The following SP2 variants were observed in gnomAD, a reference collection of about 807,000 sequenced individuals.
SP2 encodes Sp2 transcription factor.
A neutral mutation model predicts 50.1 loss-of-function variants in SP2; 9 were observed. The observed-to-expected ratio is 0.18, with a 90% CI of 0.11 to 0.31. The LOEUF (loss-of-function observed/expected upper bound fraction) is 0.31. Among genes scored for constraint, SP2 ranks in the 10% least tolerant of loss-of-function variants. The probability of loss-of-function intolerance (pLI) is 1.00; values close to 1 mark genes in which losing one functional copy is unlikely to be tolerated. For synonymous variants in SP2, 313 were observed against 326.6 expected, an observed-to-expected ratio of 0.96 and a Z score of 0.45; for missense variants, 581 against 806.5, an observed-to-expected ratio of 0.72 and a Z score of 3.39.
chr17:47,929,281 T>G (rs112730241), downstream of SP2, among the ~76,000 whole-genome samples: 39 of 152,308 alleles, frequency 2.6e-4, 1 homozygote, highest in African/African-American at 8.2e-4. Flanking sequence ...GCCAGCAACT[T>G]AGCTCTTCCA....
At chr17:47,900,830 C>T (rs977060306) in intron 1 of SP2, among the ~76,000 whole-genome samples, 17 of 152,134 alleles carry the variant, frequency 1.1e-4, no homozygotes, top group African/African-American at 3.6e-4. Context: ...GAGTGACTCA[C>T]AAATAAATGT....
chr17:47,922,616 C>T (rs2035503610), intron 3 of SP2, among the ~76,000 whole-genome samples: 1 of 151,732 alleles, frequency 6.6e-6, no homozygotes, highest in Non-Finnish European at 1.5e-5. Flanking sequence ...TTCCTGGGCT[C>T]TAAAATGTGG....
At chr17:47,922,881 C>A in intron 3 of SP2, 81 bp from the exon 4 acceptor site, 1 of 1,270,290 alleles carries the variant, frequency 7.9e-7, no homozygotes, top group Non-Finnish European at 1.1e-6. Context: ...GCCCCCAGTT[C>A]TCACTTGGGC....
downstream of SP2, among the ~76,000 whole-genome samples, chr17:47,930,500 A>G (rs1254117833): frequency 6.6e-6 from 1 of 152,164 alleles, no homozygotes; most frequent in Non-Finnish European, 1.5e-5. Context: ...TGGGGGTTCA[A>G]AAGTTATGTC....
intron 1 of SP2, among the ~76,000 whole-genome samples, chr17:47,904,881 C>A (rs776186781): frequency 6.6e-6 from 1 of 152,276 alleles, no homozygotes; most frequent in African/African-American, 2.4e-5. Context: ...GCAATCCTCT[C>A]GCCTTGGCCT....
At chr17:47,896,398 G>C in intron 1 of SP2, 105 bp downstream of exon 1, 1 of 976,990 alleles carries the variant, frequency 1.0e-6, no homozygotes, top group South Asian at 5.2e-5. Context: ...TCCCCCCTGG[G>C]GCTGGGTCTG....
rs564478717 is a variant in SP2, at chr17:47,907,126, A to G, written c.8-8186A>G. Among the ~76,000 whole-genome samples the G allele has an allele frequency of 2.5e-4, 38 of 152,172 alleles. No individual in the cohort carries two copies. The South Asian group carries it at 4.1e-3, about 17-fold the overall frequency. On this transcript the variant is annotated intron_variant, in intron 1 of 6. Transcript: ENST00000376741. ...ACCTGGGCAGGTGCAGCATGAGCGC[A>G]GTGCCAGGGTGGATGTCCTAATGCT...
Position 47,917,081 on chromosome 17 carries a change from A to G in SP2, c.1010A>G (p.Lys337Arg). ...GCCACCCTCCCCACTGTACCCCAGA[A>G]GCCCTCCCAGAACTTTCAGATCCAG... ...ASATLPTVPQ[K>R]PSQNFQIQAA... Residue 337 changes from lysine (K) to arginine (R), a missense_variant, in exon 3 of 7, where the codon AAG becomes AGG. Transcript: ENST00000376741. 1.2e-6 allele frequency: 2 copies of G among 1,613,414 alleles called. No individual in the cohort carries two copies. Among genetic ancestry groups the G allele is most frequent in the Admixed American group, 1.7e-5 (1 of 60,008 alleles).
chr17:47,896,364 G>A (rs2034329108), intron 1 of SP2, 71 bp downstream of exon 1: 1 of 1,201,194 alleles, frequency 8.3e-7, no homozygotes, highest in Non-Finnish European at 1.0e-6. Flanking sequence ...GAGGCCGCGG[G>A]GAGAGGGAGC....
At chr17:47,924,341 G>T (rs2035570340) in intron 4 of SP2, among the ~76,000 whole-genome samples, 1 of 139,834 alleles carries the variant, frequency 7.2e-6, no homozygotes, top group African/African-American at 2.6e-5. Flanking sequence ...CTCCCTATAT[G>T]CCCAGGCTGG....
intron 3 of SP2, among the ~76,000 whole-genome samples, chr17:47,919,663 C>A (rs527916049): frequency 6.6e-6 from 1 of 152,058 alleles, no homozygotes; most frequent in South Asian, 2.1e-4. Flanking sequence ...AATCGTCAAA[C>A]CCAGGAAATT....
intron 1 of SP2, chr17:47,909,689 G>A (rs2034904404): frequency 1.0e-6 from 1 of 984,076 alleles, no homozygotes. Flanking sequence ...GGCTAAGAGG[G>A]ACCATCCCAC....
intron 3 of SP2, among the ~76,000 whole-genome samples, chr17:47,921,768 C>G (rs575815533): frequency 6.6e-6 from 1 of 152,200 alleles, no homozygotes; most frequent in Non-Finnish European, 1.5e-5. Context: ...CTCCAAGGAG[C>G]CTGGGTTCCT....
chr17:47,919,410 TA>T (rs922886161), intron 3 of SP2, among the ~76,000 whole-genome samples: 38 of 150,326 alleles, frequency 2.5e-4, no homozygotes, highest in East Asian at 5.8e-4. Flanking sequence ...TGTCTCTATT[TA>T]AAAAAAAAAA....
chr17:47,922,511 C>G (rs962209355), intron 3 of SP2, among the ~76,000 whole-genome samples: 6 of 145,496 alleles, frequency 4.1e-5, no homozygotes, highest in African/African-American at 1.5e-4. Context: ...TTTCTGATAA[C>G]AAAGACCAGA....
chr17:47,897,061 A>T (rs2034368180), intron 1 of SP2, among the ~76,000 whole-genome samples: 1 of 152,248 alleles, frequency 6.6e-6, no homozygotes, highest in East Asian at 1.9e-4. Flanking sequence ...GACGCCCCGT[A>T]GGGGAGACTA....
chr17:47,920,958 T>A (rs2035433331), intron 3 of SP2, among the ~76,000 whole-genome samples: 1 of 152,168 alleles, frequency 6.6e-6, no homozygotes, highest in South Asian at 2.1e-4. Context: ...TTTCCTCCTC[T>A]CTGCAGCCCC....
chr17:47,896,826 C>T (rs987166110), intron 1 of SP2, among the ~76,000 whole-genome samples: 6 of 152,226 alleles, frequency 3.9e-5, no homozygotes, highest in African/African-American at 1.4e-4. Context: ...ATGGGCACTG[C>T]TCGGCATCGA....
rs760484534 is a variant in SP2, at chr17:47,917,069, C to T, written c.998C>T (p.Thr333Ile). ...VVQAASATLP[T>I]VPQKPSQNFQ... ...CAGGCGGCATCTGCCACCCTCCCCA[C>T]TGTACCCCAGAAGCCCTCCCAGAAC... Residue 333 changes from threonine to isoleucine, a missense_variant, in exon 3 of 7, where the codon ACT (threonine) becomes ATT (isoleucine). Around this residue, in one of 2 missense-constraint regions of SP2, gnomAD observed 397 missense variants for 491.0 expected, o/e 0.81. Transcript: ENST00000376741. 1 of 1,613,644 alleles carries T rather than the reference C, an allele frequency of 6.2e-7. No individual in the cohort carries two copies. The highest frequency in any genetic ancestry group is 1.7e-5 in the Admixed American group (1 of 60,016).
Sources: gnomAD v4.1 joint callset for allele counts (sites outside exome capture counted in the v4.1 genomes callset) on GRCh38, gnomAD v4.1.1 for gene constraint, gnomAD v4.1.1 regional missense constraint, MANE v1.5 for transcripts, NCBI Gene and HGNC (gene_info 2026-07-23, HGNC 2026-07-21) for gene names.